BMERB1: variants seen among roughly 807,000 people sequenced by gnomAD.
The protein encoded by BMERB1 is bMERB domain-containing protein 1.
A neutral mutation model predicts 23.6 loss-of-function variants in BMERB1; 12 were observed. The ratio of observed to expected loss-of-function variants is 0.51; its 90% CI spans 0.33 to 0.82. The LOEUF (loss-of-function observed/expected upper bound fraction) is 0.82. Ranked by LOEUF, BMERB1 falls within the 40% of genes least tolerant of loss-of-function variation. The pLI, the probability that BMERB1 is intolerant of heterozygous loss-of-function variation, is 0.03. For synonymous variants in BMERB1, 122 were observed against 96.6 expected, an observed-to-expected ratio of 1.26 and a Z score of -1.54; for missense variants, 247 against 255.4, an observed-to-expected ratio of 0.97 and a Z score of 0.22.
chr16:15,461,698 G>A (rs1224487669), intron 1 of BMERB1, among the ~76,000 whole-genome samples: 2 of 151,990 alleles, frequency 1.3e-5, no homozygotes, highest in South Asian at 2.1e-4. Context: ...CAAGGCAGGT[G>A]GATTGCTTGA....
chr16:15,484,910 T>A (rs2051355010), intron 1 of BMERB1, among the ~76,000 whole-genome samples: 1 of 152,144 alleles, frequency 6.6e-6, no homozygotes, highest in Non-Finnish European at 1.5e-5. Context: ...GTTTCCCATA[T>A]CCCATATCCA....
At chr16:15,582,884 C>A (rs2031051551) in intron 4 of BMERB1, among the ~76,000 whole-genome samples, 1 of 152,052 alleles carries the variant, frequency 6.6e-6, no homozygotes, top group African/African-American at 2.4e-5. Flanking sequence ...ACTCACTGAC[C>A]CCCCAGCAGG....
intron 1 of BMERB1, among the ~76,000 whole-genome samples, chr16:15,503,015 C>G (rs1246697015): frequency 6.6e-6 from 1 of 152,188 alleles, no homozygotes; most frequent in Non-Finnish European, 1.5e-5. Context: ...ACACCAAGCA[C>G]ATGTTGTATA....
intron 1 of BMERB1, among the ~76,000 whole-genome samples, chr16:15,485,047 A>AAT (rs2051356251): frequency 6.6e-6 from 1 of 152,234 alleles, no homozygotes; most frequent in Admixed American, 6.5e-5. Flanking sequence ...AGCTTACATT[A>AAT]GCCATCAGGT....
chr16:15,439,334 C>T (rs1598439193), intron 1 of BMERB1, among the ~76,000 whole-genome samples: 2 of 132,880 alleles, frequency 1.5e-5, no homozygotes, highest in South Asian at 5.5e-4. Flanking sequence ...GTAATGCGCA[C>T]TTCGGACTCT....
At chr16:15,583,956 TAGAA>T (rs1450240173) in intron 5 of BMERB1, 2 of 696,964 alleles carry the variant, frequency 2.9e-6, no homozygotes, top group Admixed American at 2.1e-5. Context: ...GTGCATTTCA[TAGAA>T]AGAATTGGGT....
intron 3 of BMERB1, among the ~76,000 whole-genome samples, chr16:15,576,205 G>A (rs761786619): frequency 1.3e-5 from 2 of 151,920 alleles, no homozygotes; most frequent in East Asian, 3.9e-4. Flanking sequence ...CACCATGCCC[G>A]GCAAATTTTG....
At chr16:15,558,043 CA>C (rs201945263) in intron 2 of BMERB1, among the ~76,000 whole-genome samples, 31 of 148,210 alleles carry the variant, frequency 2.1e-4, no homozygotes, top group East Asian at 2.0e-3. Context: ...GACTCCGTCT[CA>C]AAAAAAAAAA....
At chr16:15,467,915 A>G (rs1049419276) in intron 1 of BMERB1, among the ~76,000 whole-genome samples, 12 of 152,094 alleles carry the variant, frequency 7.9e-5, no homozygotes, top group African/African-American at 2.9e-4. Flanking sequence ...GGTGGATTCA[A>G]AGATTTTCTG....
chr16:15,491,256 C>A (rs868603032), intron 1 of BMERB1, among the ~76,000 whole-genome samples: 1 of 152,224 alleles, frequency 6.6e-6, no homozygotes, highest in Non-Finnish European at 1.5e-5. Flanking sequence ...GCGTTCGATC[C>A]TTTAACAATT....
At chr16:15,444,125 T>TTTTTTTTTTTTTTTG (rs2050967776) in intron 1 of BMERB1, among the ~76,000 whole-genome samples, 1 of 58,112 alleles carries the variant, frequency 1.7e-5, no homozygotes, top group Admixed American at 2.3e-4. Flanking sequence ...CCAGCTTTGT[T>TTTTTTTTTTTTTTTG]TTTTTTTTTT....
intron 1 of BMERB1, among the ~76,000 whole-genome samples, chr16:15,460,995 C>T (rs557715803): frequency 1.7e-4 from 26 of 151,902 alleles, no homozygotes; most frequent in Non-Finnish European, 3.8e-4. Flanking sequence ...AGTGGTGGCA[C>T]ATGCCGGTAG....
intron 2 of BMERB1, among the ~76,000 whole-genome samples, chr16:15,548,676 C>T (rs550406650): frequency 9.3e-4 from 142 of 152,274 alleles, no homozygotes; most frequent in African/African-American, 3.1e-3. Context: ...AGATTACTTG[C>T]GTTTTCTTTG....
At chr16:15,532,146 G>A (rs1224747228) in intron 2 of BMERB1, among the ~76,000 whole-genome samples, 2 of 152,096 alleles carry the variant, frequency 1.3e-5, no homozygotes, top group Non-Finnish European at 2.9e-5. Context: ...TAAACTCCTC[G>A]GGGATCTCAA....
intron 3 of BMERB1, among the ~76,000 whole-genome samples, chr16:15,578,113 C>CT (rs1205866733): frequency 2.0e-5 from 3 of 152,208 alleles, no homozygotes; most frequent in South Asian, 2.1e-4. Flanking sequence ...GCTACCTACT[C>CT]TAACAGTAAC....
chr16:15,579,959 G>A (rs2030965684), intron 3 of BMERB1, among the ~76,000 whole-genome samples: 1 of 152,268 alleles, frequency 6.6e-6, no homozygotes, highest in Admixed American at 6.5e-5. Context: ...TGCAGGATGT[G>A]CAGGTTTATT....
chr16:15,491,206 T>A (rs1405194158), intron 1 of BMERB1, among the ~76,000 whole-genome samples: 1 of 152,326 alleles, frequency 6.6e-6, no homozygotes, highest in East Asian at 1.9e-4. Flanking sequence ...TTGCATTTAC[T>A]GCATTCCTGC....
At chr16:15,448,485 A>G (rs1428636791) in intron 1 of BMERB1, among the ~76,000 whole-genome samples, 1 of 152,138 alleles carries the variant, frequency 6.6e-6, no homozygotes, top group East Asian at 1.9e-4. Flanking sequence ...CATTAGCCTG[A>G]GGTCTTAACC....
At chr16:15,450,244 T>G (rs1336378999) in intron 1 of BMERB1, among the ~76,000 whole-genome samples, 2 of 152,194 alleles carry the variant, frequency 1.3e-5, no homozygotes. Flanking sequence ...AATTTGAATT[T>G]TATATAACTT....
Sources: gnomAD v4.1 joint callset for allele counts (sites outside exome capture counted in the v4.1 genomes callset) on GRCh38, gnomAD v4.1.1 for gene constraint, MANE v1.5 for transcripts, NCBI Gene and HGNC (gene_info 2026-07-23, HGNC 2026-07-21) for gene names.